The following SPTLC2 variants were observed in gnomAD, a reference collection of about 807,000 sequenced individuals.
SPTLC2 encodes the protein serine palmitoyltransferase long chain base subunit 2.
SPTLC2 carries 21 observed loss-of-function variants against 62.0 expected under a neutral mutation model. That is an observed-to-expected ratio of 0.34 (90% CI 0.24 to 0.49). The LOEUF (loss-of-function observed/expected upper bound fraction) is 0.49, where lower values mean the gene tolerates loss of function less well. Ranked by LOEUF, SPTLC2 falls within the 20% of genes least tolerant of loss-of-function variation. The pLI is 0.99. For synonymous variants in SPTLC2, 261 were observed against 261.8 expected (o/e 1.00, Z 0.03); for missense variants, 511 against 713.0 (o/e 0.72, Z 3.23).
chr14:77,572,963 C>T (rs998827600), intron 4 of SPTLC2, among the ~76,000 whole-genome samples: 4 of 152,206 alleles, frequency 2.6e-5, no homozygotes, highest in African/African-American at 9.7e-5. Flanking sequence ...TTCTCTCTAC[C>T]AGCAATAAAA....
At chr14:77,589,977 CAAAAA>C (rs760780304) in intron 2 of SPTLC2, among the ~76,000 whole-genome samples, 2 of 120,710 alleles carry the variant, frequency 1.7e-5, no homozygotes. Flanking sequence ...GACCCTGTCT[CAAAAA>C]AAAAAAAAAA....
chr14:77,545,845 T>C (rs2079525502), intron 9 of SPTLC2, among the ~76,000 whole-genome samples: 1 of 152,208 alleles, frequency 6.6e-6, no homozygotes, highest in Admixed American at 6.5e-5. Context: ...AATGTTCTTG[T>C]TGCAAGAAAC....
At chr14:77,579,496 C>T (rs2079735832) in intron 2 of SPTLC2, among the ~76,000 whole-genome samples, 1 of 152,182 alleles carries the variant, frequency 6.6e-6, no homozygotes, top group Non-Finnish European at 1.5e-5. Context: ...CGTCTGTAAT[C>T]CCAGGACTTT....
At chr14:77,614,671 A>AC (rs397946721) in intron 1 of SPTLC2, among the ~76,000 whole-genome samples, 6 of 147,982 alleles carry the variant, frequency 4.1e-5, no homozygotes, top group African/African-American at 1.0e-4. Flanking sequence ...CTCAAAAAAA[A>AC]CCAAAAAAAC....
chr14:77,598,371 A>AG (rs2079859670), intron 1 of SPTLC2, among the ~76,000 whole-genome samples: 1 of 152,202 alleles, frequency 6.6e-6, no homozygotes, highest in Non-Finnish European at 1.5e-5. Context: ...AAAGCAAAAA[A>AG]TATAAATCAA....
intron 9 of SPTLC2, among the ~76,000 whole-genome samples, chr14:77,528,061 C>T (rs572963729): frequency 6.6e-6 from 1 of 152,208 alleles, no homozygotes; most frequent in African/African-American, 2.4e-5. Context: ...TCATATTATA[C>T]TTCATTACAC....
intron 5 of SPTLC2, among the ~76,000 whole-genome samples, chr14:77,568,733 G>A (rs1005893228): frequency 8.6e-5 from 13 of 151,218 alleles, no homozygotes; most frequent in Non-Finnish European, 1.5e-4. Context: ...GCGTGAACCC[G>A]GGAGGCAGAG....
chr14:77,591,482 T>A (rs1214459833), intron 2 of SPTLC2, among the ~76,000 whole-genome samples: 1 of 152,224 alleles, frequency 6.6e-6, no homozygotes, highest in Non-Finnish European at 1.5e-5. Context: ...CTTTATGATA[T>A]GTCAATTATT....
At chr14:77,545,233 T>G (rs1489375056) in intron 9 of SPTLC2, among the ~76,000 whole-genome samples, 1 of 151,812 alleles carries the variant, frequency 6.6e-6, no homozygotes, top group East Asian at 1.9e-4. Context: ...TTGGAAAGCT[T>G]TCAAATCCGG....
rs1241319901 is a variant in SPTLC2, at chr14:77,529,616, CTTTCTT to C, written c.1304-8041_1304-8036del. ...CTTTTTCTAGGAAAGCAATTTCTTT[CTTTCTT>C]TTTTTTTTTTTTTTTTTTTTGAGAC... On this transcript the variant is annotated intron_variant, in intron 9 of 11. Coordinates refer to ENST00000216484, the MANE Select transcript of SPTLC2 (RefSeq NM_004863.4). Among the ~76,000 whole-genome samples the C allele has an allele frequency of 1.4e-4, 12 of 83,510 alleles. No individual in the cohort carries two copies. The South Asian group carries it at 6.1e-3, about 42-fold the overall frequency. 54.8% of individuals were successfully genotyped at this position (83,510 alleles called of 152,430 possible). A position where few individuals can be genotyped will look rare whatever the true frequency, so the allele number is the denominator to read the frequency against.
chr14:77,590,269 C>G (rs918390312), intron 2 of SPTLC2, among the ~76,000 whole-genome samples: 2 of 152,218 alleles, frequency 1.3e-5, no homozygotes, highest in Non-Finnish European at 2.9e-5. Context: ...TGAGCTAACA[C>G]GCCTGGCCTC....
At chr14:77,596,408 C>A (rs1330417244) in intron 2 of SPTLC2, among the ~76,000 whole-genome samples, 5 of 151,766 alleles carry the variant, frequency 3.3e-5, no homozygotes, top group African/African-American at 1.2e-4. Context: ...GAGGCTGAGG[C>A]AGAAGAATGG....
chr14:77,522,597 C>T (rs1283682885), intron 9 of SPTLC2, among the ~76,000 whole-genome samples: 2 of 152,210 alleles, frequency 1.3e-5, no homozygotes, highest in African/African-American at 4.8e-5. Context: ...CAATTGCCAA[C>T]TGACTAAATA....
chr14:77,579,247 G>C (rs1052419433), intron 2 of SPTLC2, 138 bp from the exon 3 acceptor site: 11 of 826,532 alleles, frequency 1.3e-5, no homozygotes, highest in Non-Finnish European at 5.8e-6. Context: ...ATTGTGTAAT[G>C]GACAAGTCAG....
chr14:77,548,348 C>G (rs1359612741), intron 9 of SPTLC2, among the ~76,000 whole-genome samples: 1 of 152,128 alleles, frequency 6.6e-6, no homozygotes, highest in Non-Finnish European at 1.5e-5. Flanking sequence ...AAGCTGGGTG[C>G]TATGCATGTT....
chr14:77,539,571 C>A (rs2079489526), intron 9 of SPTLC2, among the ~76,000 whole-genome samples: 1 of 136,030 alleles, frequency 7.4e-6, no homozygotes, highest in Non-Finnish European at 1.5e-5. Context: ...TTCATTGCAA[C>A]CTCTGGCTCC....
At chr14:77,588,047 A>G (rs981491039) in intron 2 of SPTLC2, among the ~76,000 whole-genome samples, 1 of 151,890 alleles carries the variant, frequency 6.6e-6, no homozygotes, top group Non-Finnish European at 1.5e-5. Flanking sequence ...CTATCTCCCC[A>G]CCTCAGCCTC....
In SPTLC2 at chr14:77,506,044, A is replaced by G. The variant is rs1566763172; in HGVS notation, c.*6240T>C. The G allele has an allele frequency of 6.6e-6, 1 of 152,202 alleles. No individual in the cohort carries two copies. The highest frequency in any genetic ancestry group is 1.5e-5 in the Non-Finnish European group (1 of 68,040). 9.4% of individuals were successfully genotyped at this position (152,202 alleles called of 1,614,324 possible). ...GGGCAAAACAAGATATTTGCATGGG[A>G]TGCTTCTTAAGTCATCTCAAGTAGT... is the stretch of plus-strand genomic sequence containing the variant. On this transcript the variant is annotated 3_prime_UTR_variant, in exon 12 of 12. Coordinates refer to ENST00000216484, the MANE Select transcript of SPTLC2 (RefSeq NM_004863.4).
chr14:77,522,813 T>C (rs537359705), intron 9 of SPTLC2, among the ~76,000 whole-genome samples: 1 of 152,340 alleles, frequency 6.6e-6, no homozygotes, highest in East Asian at 1.9e-4. Flanking sequence ...AGCAAGTTCA[T>C]ATTTTTAAAA....
Sources: gnomAD v4.1 joint callset for allele counts (sites outside exome capture counted in the v4.1 genomes callset) on GRCh38, gnomAD v4.1.1 for gene constraint, MANE v1.5 for transcripts, NCBI Gene and HGNC (gene_info 2026-07-23, HGNC 2026-07-21) for gene names.